OSBPL7: variants seen among roughly 807,000 people sequenced by gnomAD.
OSBPL7 encodes the protein oxysterol-binding protein-related protein 7.
In OSBPL7, 66 loss-of-function variants were observed where a neutral mutation model predicts 115.8. That is an observed-to-expected ratio of 0.57 (90% CI 0.47 to 0.70). OSBPL7 has a LOEUF of 0.70. OSBPL7 is among the 30% of genes least tolerant of loss of function. The pLI is 0.00. For missense variants in OSBPL7, 902 were observed against 1,125.5 expected (o/e 0.80, Z 2.84); for synonymous variants, 441 against 439.2 (o/e 1.00, Z -0.05).
At chr17:47,820,394 G>A (rs536579160) in intron 1 of OSBPL7, 29 bp from the exon 2 acceptor site, 76 of 965,220 alleles carry the variant, frequency 7.9e-5, no homozygotes, top group African/African-American at 7.4e-4. Context: ...CCCCCTTAAC[G>A]CAAACTCTGC....
In OSBPL7 at chr17:47,816,510, G is replaced by T; in HGVS notation, c.929-28C>A. On this transcript the variant is annotated intron_variant, in intron 10 of 22. Coordinates refer to ENST00000007414, the MANE Select transcript of OSBPL7 (RefSeq NM_145798.3). This position sits in a 1 kb window ranked among gnomAD's most constrained non-coding sequence, Gnocchi z 5.8. ...ACAGGGAGTGGGGCAGACCATCAGA[G>T]TCCTCGCTCGCTCCTGTCCGCTCCC... The T allele has an allele frequency of 6.4e-7, 1 of 1,562,198 alleles. No homozygotes were observed.
At chr17:47,813,195 T>A in intron 16 of OSBPL7, 71 bp downstream of exon 16, 1 of 1,588,622 alleles carries the variant, frequency 6.3e-7, no homozygotes, top group Middle Eastern at 1.9e-4. Flanking sequence ...CTGCCCCAGT[T>A]CTGGTCCCAA....
At chr17:47,814,479 A>AGGCCCC in intron 14 of OSBPL7, 42 bp downstream of exon 14, 5 of 1,086,684 alleles carry the variant, frequency 4.6e-6, no homozygotes, top group Non-Finnish European at 5.6e-6. Flanking sequence ...CTGTTTTTCC[A>AGGCCCC]CCCGCCTCCC....
At chr17:47,819,913 C>A in intron 3 of OSBPL7, 58 bp downstream of exon 3, 1 of 1,380,048 alleles carries the variant, frequency 7.2e-7, no homozygotes. Flanking sequence ...CCAGCAGCTG[C>A]CCCCCATTCC....
intron 14 of OSBPL7, among the ~76,000 whole-genome samples, chr17:47,814,133 T>C (rs1212833335): frequency 6.6e-6 from 1 of 152,200 alleles, no homozygotes; most frequent in Admixed American, 6.5e-5. Flanking sequence ...TTGTTCCCTT[T>C]ATAAACACAG....
Position 47,820,055 on chromosome 17 carries a change from C to A in OSBPL7, c.117G>T (p.Arg39Ser), listed in dbSNP as rs769041791. ...CAGGCATGACACCCTCTGTCCCCAGCCTGACCCGAGGCTCCTCCACCACCT... is the reference window on the plus strand; with the variant it reads ...CAGGCATGACACCCTCTGTCCCCAGACTGACCCGAGGCTCCTCCACCACCT... Reference protein sequence around the residue: ...LWEVVEEPRVRLGTEGVMPER... With the variant: ...LWEVVEEPRVSLGTEGVMPER... The change falls in exon 3 of 23, where the codon AGG (arginine) becomes AGT (serine). Residue 39 changes from arginine (R) to serine (S), a missense_variant. Physicochemically the swap from Arg to Ser is moderately radical, Grantham distance 110 (BLOSUM62 -1). Transcript: ENST00000007414. 6.8e-6 allele frequency: 11 copies of A among 1,612,356 alleles called. No homozygotes were observed. Among genetic ancestry groups the A allele is most frequent in the South Asian group, 2.2e-5 (2 of 91,066 alleles).
At chr17:47,819,908 A>G (rs1230821477) in intron 3 of OSBPL7, 63 bp downstream of exon 3, 20 of 1,597,436 alleles carry the variant, frequency 1.3e-5, no homozygotes, top group Non-Finnish European at 1.7e-5. Context: ...ACTGCCCAGC[A>G]GCTGCCCCCC....
chr17:47,814,040 G>T (rs1404777659), intron 14 of OSBPL7, among the ~76,000 whole-genome samples: 1 of 152,204 alleles, frequency 6.6e-6, no homozygotes, highest in Non-Finnish European at 1.5e-5. Context: ...GGCAGGGGTG[G>T]GAGCCATGCA....
rs771637870 is a variant in OSBPL7, at chr17:47,816,895, A to G, written c.703-23T>C. 2 of 1,610,648 alleles carry G rather than the reference A, an allele frequency of 1.2e-6. No homozygotes were observed. The highest frequency in any genetic ancestry group is 1.7e-4 in the Middle Eastern group (1 of 6,060). On this transcript the variant is annotated intron_variant, in intron 8 of 22. Transcript: ENST00000007414. The surrounding 1 kb of genome is among the most constrained non-coding windows in gnomAD (Gnocchi z 5.8). ...GGCCTGGCAAGTCAAGGTGGGGGCA[A>G]TTTTACTCACAGGGTGGGGAAAAGG...
At chr17:47,819,829 G>C in intron 3 of OSBPL7, 47 bp from the exon 4 acceptor site, 1 of 1,612,908 alleles carries the variant, frequency 6.2e-7, no homozygotes, top group Non-Finnish European at 8.5e-7. Flanking sequence ...CCGAGAGGAA[G>C]GGCATGAGGG....
At position 47,816,747 on chromosome 17, in the gene OSBPL7, C is replaced by T. The variant is rs374022417; in HGVS notation, c.795+33G>A. 6 of 1,613,978 alleles carry T rather than the reference C, an allele frequency of 3.7e-6. No homozygotes were observed. The African/African-American group carries it at 5.3e-5, about 14-fold the overall frequency. ...GGGCCGGCCTCCTTAGAGCATCCTG[C>T]CCCAGCTACGTGAGGTGCATGCCCG... On this transcript the variant is annotated intron_variant, in intron 9 of 22. Coordinates refer to ENST00000007414, the MANE Select transcript of OSBPL7 (RefSeq NM_145798.3). The surrounding 1 kb of genome is among the most constrained non-coding windows in gnomAD (Gnocchi z 5.8).
chr17:47,814,908 G>A, intron 13 of OSBPL7: 1 of 560,902 alleles, frequency 1.8e-6, no homozygotes. Flanking sequence ...CAGGGTTTTG[G>A]AAGAGGGAAT....
chr17:47,816,739 G>A lies in OSBPL7; in HGVS notation c.795+41C>T. 6.2e-7 allele frequency: 1 copy of A among 1,614,080 alleles called. No homozygotes were observed. The highest frequency in any genetic ancestry group is 1.3e-5 in the African/African-American group (1 of 75,036). On this transcript the variant is annotated intron_variant, in intron 9 of 22. Coordinates refer to ENST00000007414, the MANE Select transcript of OSBPL7 (RefSeq NM_145798.3). The surrounding 1 kb of genome is among the most constrained non-coding windows in gnomAD (Gnocchi z 5.8). ...GGCTGAAGGGGCCGGCCTCCTTAGA[G>A]CATCCTGCCCCAGCTACGTGAGGTG... is the stretch of plus-strand genomic sequence containing the variant.
chr17:47,811,897 G>A (rs368043339), intron 16 of OSBPL7, among the ~76,000 whole-genome samples: 4 of 152,160 alleles, frequency 2.6e-5, no homozygotes, highest in Non-Finnish European at 4.4e-5. Context: ...TCACATATGC[G>A]TAAAACATTT....
chr17:47,807,964 AG>A lies in OSBPL7; in HGVS notation c.*326del, dbSNP rs935611213. On this transcript the variant is annotated 3_prime_UTR_variant, in exon 23 of 23. Transcript: ENST00000007414. ...CTGTGTCCTAGGAAGGCACTGAAAT[AG>A]GGAACAGATCCTGGGAGCCAGAGTC... The A allele has an allele frequency of 2.8e-6, 1 of 355,290 alleles. No homozygotes were observed. Among genetic ancestry groups the A allele is most frequent in the African/African-American group, 2.1e-5 (1 of 48,656 alleles). 22.0% of individuals were successfully genotyped at this position (355,290 alleles called of 1,614,324 possible).
intron 5 of OSBPL7, 61 bp downstream of exon 5, chr17:47,818,925 G>A (rs1567945230): frequency 5.7e-6 from 8 of 1,408,632 alleles, no homozygotes; most frequent in Non-Finnish European, 8.0e-6. Flanking sequence ...CTGCCCCTGT[G>A]TGTTCCAATG....
Position 47,810,654 on chromosome 17 carries a change from T to C in OSBPL7, c.1820A>G (p.Lys607Arg). 1 of 1,614,188 alleles carries C rather than the reference T, an allele frequency of 6.2e-7. No homozygotes were observed. Among genetic ancestry groups the C allele is most frequent in the Non-Finnish European group, 8.5e-7 (1 of 1,180,024 alleles). Reference sequence around the variant, plus strand: ...AATCTCCAGGGATTTGCCCCAGAACTTGTTCTTCCACTTCATATCTGGAAT... The same window carrying C: ...AATCTCCAGGGATTTGCCCCAGAACCTGTTCTTCCACTTCATATCTGGAAT... Reference protein sequence around the residue: ...AFWQDMKWKNKFWGKSLEIVP... With the variant: ...AFWQDMKWKNRFWGKSLEIVP... The change falls in exon 18 of 23, where the codon AAG becomes AGG. Residue 607 changes from lysine (K) to arginine (R), a missense_variant. Physicochemically the swap from Lys to Arg is conservative, Grantham distance 26. Coordinates refer to ENST00000007414, the MANE Select transcript of OSBPL7 (RefSeq NM_145798.3).
rs764357850 is a variant in OSBPL7, at chr17:47,813,439, C to T, written c.1600-36G>A. 37 of 1,611,446 alleles carry T rather than the reference C, an allele frequency of 2.3e-5. 1 individual carries two copies. The highest frequency in any genetic ancestry group is 2.7e-5 in the African/African-American group (2 of 74,872). On this transcript the variant is annotated intron_variant, in intron 15 of 22. Transcript: ENST00000007414. ...CAAGGAAGGTGCAGGGTACTGAGGA[C>T]GGGGCCGCCACCCCAAGCAAGCAAA...
rs757833267 is a variant in OSBPL7, at chr17:47,818,615, A to T, written c.371T>A (p.Ile124Asn). The T allele has an allele frequency of 3.7e-6, 6 of 1,611,984 alleles. No homozygotes were observed. The Admixed American group carries it at 8.4e-5, about 22-fold the overall frequency. ...GCTCTGGAATAGGTCCTGGGATTTG[A>T]TCTGCAGAAGTGATGGAGAGGGGGA... ...DTEDNIYHLK[I>N]KSQDLFQSWV... The change falls in exon 6 of 23, where the codon ATC (isoleucine) becomes AAC (asparagine). Residue 124 changes from isoleucine (I) to asparagine (N), a missense_variant and splice_region_variant. Ile to Asn is a moderately radical substitution (Grantham distance 149, BLOSUM62 -3). This residue lies in a region of OSBPL7 where 667 missense variants were observed against 788.7 expected (regional missense o/e 0.85). Transcript: ENST00000007414.
Sources: gnomAD v4.1 joint callset for allele counts (sites outside exome capture counted in the v4.1 genomes callset) on GRCh38, gnomAD v4.1.1 for gene constraint, gnomAD v4.1.1 regional missense constraint, Gnocchi (gnomAD v3.1) non-coding constraint, MANE v1.5 for transcripts, NCBI Gene and HGNC (gene_info 2026-07-23, HGNC 2026-07-21) for gene names.